The following PSORS1C1 variants were observed in gnomAD, a reference collection of about 807,000 sequenced individuals.
The protein encoded by PSORS1C1 is psoriasis susceptibility 1 candidate gene 1 protein.
PSORS1C1 carries 7 observed loss-of-function variants against 9.4 expected under a neutral mutation model. The observed-to-expected ratio is 0.75, with a 90% CI of 0.42 to 1.40. The LOEUF (loss-of-function observed/expected upper bound fraction) is 1.40, where lower values mean the gene tolerates loss of function less well. PSORS1C1 is among the 40% of genes most tolerant of loss of function. PSORS1C1 has a pLI of 0.01. For synonymous variants in PSORS1C1, 63 were observed against 69.4 expected (o/e 0.91, Z 0.46); for missense variants, 146 against 178.1 (o/e 0.82, Z 1.02).
At chr6:31,116,461 G>C (rs1257325672) in intron 1 of PSORS1C1, 1 of 1,595,572 alleles carries the variant, frequency 6.3e-7, no homozygotes, top group South Asian at 1.1e-5. Flanking sequence ...CTTGGAGCCC[G>C]TGGAGCCGCC....
At chr6:31,127,527 G>A in intron 2 of PSORS1C1, among the ~76,000 whole-genome samples, 1 of 150,048 alleles carries the variant, frequency 6.7e-6, no homozygotes, top group Non-Finnish European at 1.5e-5. Context: ...ATGCAGGACT[G>A]ATCTCCATTC....
At chr6:31,130,652 C>T (rs1562767745) in intron 3 of PSORS1C1, among the ~76,000 whole-genome samples, 1 of 152,088 alleles carries the variant, frequency 6.6e-6, no homozygotes. Flanking sequence ...CCGCCCACCT[C>T]GGCCTCCCAA....
intron 1 of PSORS1C1, among the ~76,000 whole-genome samples, chr6:31,123,889 G>T (rs544576416): frequency 6.6e-6 from 1 of 152,330 alleles, no homozygotes; most frequent in African/African-American, 2.4e-5. Flanking sequence ...GGAGAAGCGG[G>T]TAGGCACTTG....
At chr6:31,138,581 C>T in intron 4 of PSORS1C1, 75 bp from the exon 5 acceptor site, 2 of 1,609,280 alleles carry the variant, frequency 1.2e-6, no homozygotes. Context: ...TCCATCCACC[C>T]CTGGTTGGGG....
chr6:31,123,631 G>A (rs920496068), intron 1 of PSORS1C1, among the ~76,000 whole-genome samples: 3 of 152,230 alleles, frequency 2.0e-5, no homozygotes, highest in Admixed American at 6.5e-5. Flanking sequence ...CAAAGCACAT[G>A]CCTTCCATAG....
chr6:31,139,065 C>T lies in PSORS1C1; in HGVS notation c.167+286C>T. The T allele has an allele frequency of 1.3e-6, 2 of 1,591,780 alleles. No individual in the cohort carries two copies. The highest frequency in any genetic ancestry group is 1.7e-6 in the Non-Finnish European group (2 of 1,160,214). ...CCCCCAAAGCTGGGGTGGGCTGAGT[C>T]TGGGTGCCTGGGAACCCCAAGAGGC... On this transcript the variant is annotated intron_variant, in intron 5 of 5. Transcript: ENST00000259881. This position sits in a 1 kb window ranked among gnomAD's most constrained non-coding sequence, Gnocchi z 5.2.
intron 2 of PSORS1C1, among the ~76,000 whole-genome samples, chr6:31,127,076 A>G (rs941064036): frequency 6.6e-6 from 1 of 152,140 alleles, no homozygotes; most frequent in Non-Finnish European, 1.5e-5. Context: ...AGTGGTTTTT[A>G]TTGTTACTGG....
chr6:31,119,279 A>C (rs1461122761), intron 1 of PSORS1C1, among the ~76,000 whole-genome samples: 1 of 151,890 alleles, frequency 6.6e-6, no homozygotes, highest in Non-Finnish European at 1.5e-5. Context: ...CTCTGCATGC[A>C]CCTCCACGCC....
At chr6:31,121,167 CG>C (rs1421637129) in intron 1 of PSORS1C1, among the ~76,000 whole-genome samples, 1 of 71,118 alleles carries the variant, frequency 1.4e-5, no homozygotes, top group South Asian at 4.0e-4. Flanking sequence ...GGCATGGTGG[CG>C]GGGGTGGGGG....
rs1773315421 is a variant in PSORS1C1 at position 31,139,035 on chromosome 6, A to ACTGGCCC, written c.167+258_167+264dup. On this transcript the variant is annotated intron_variant, in intron 5 of 5. Coordinates refer to ENST00000259881, the MANE Select transcript of PSORS1C1 (RefSeq NM_014068.3). This position sits in a 1 kb window ranked among gnomAD's most constrained non-coding sequence, Gnocchi z 5.2. Reference sequence around the variant, plus strand: ...TTCCAGTTGAGGATCATGGCTATGTACTGGCCCCCAAAGCTGGGGTGGGCT... The same window carrying ACTGGCCC: ...TTCCAGTTGAGGATCATGGCTATGTACTGGCCCCTGGCCCCCAAAGCTGGGGTGGGCT... 5 of 1,613,694 alleles carry ACTGGCCC rather than the reference A, an allele frequency of 3.1e-6. No homozygotes were observed. The highest frequency in any genetic ancestry group is 2.7e-5 in the African/African-American group (2 of 74,894).
In PSORS1C1 at chr6:31,115,890, G is replaced by C. The variant is rs941335515; in HGVS notation, c.-229+999G>C. On this transcript the variant is annotated intron_variant, in intron 1 of 5. Transcript: ENST00000259881. The surrounding 1 kb of genome is among the most constrained non-coding windows in gnomAD (Gnocchi z 4.2). ...GAGTCTGCAACCTTGGGGTAGTGGA[G>C]AAAGCAGAACCACTCTTTTGGGAAG... is the stretch of plus-strand genomic sequence containing the variant. 43 of 761,296 alleles carry C rather than the reference G, an allele frequency of 5.6e-5. No individual in the cohort carries two copies. The highest frequency in any genetic ancestry group is 9.0e-6 in the Non-Finnish European group (4 of 444,440). 47.2% of individuals were successfully genotyped at this position (761,296 alleles called of 1,614,324 possible).
chr6:31,120,616 A>T (rs1383795568), intron 1 of PSORS1C1, among the ~76,000 whole-genome samples: 1 of 152,142 alleles, frequency 6.6e-6, no homozygotes, highest in Non-Finnish European at 1.5e-5. Flanking sequence ...CAGCAGCAGC[A>T]GTGGCTGCAG....
At chr6:31,131,800 G>A (rs4959053) in intron 3 of PSORS1C1, among the ~76,000 whole-genome samples, 9,909 of 152,186 alleles carry the variant, frequency 0.065, 404 homozygotes, top group South Asian at 0.18. Flanking sequence ...TTAAACGAGA[G>A]CTTAAGCTGT....
intron 2 of PSORS1C1, among the ~76,000 whole-genome samples, chr6:31,127,480 C>T (rs984094000): frequency 6.6e-6 from 1 of 152,064 alleles, no homozygotes; most frequent in African/African-American, 2.4e-5. Context: ...GACTCCTTGG[C>T]AGTGTGTAAC....
intron 4 of PSORS1C1, 83 bp from the exon 5 acceptor site, chr6:31,138,573 C>T: frequency 1.2e-6 from 2 of 1,608,266 alleles, no homozygotes; most frequent in Middle Eastern, 1.7e-4. Flanking sequence ...AAATAAGCTC[C>T]ATCCACCCCT....
chr6:31,139,930 T>A lies in PSORS1C1; in HGVS notation c.457T>A (p.Ter153LysextTer7). ...HSPFGLSSLI[*>K] ...TCCTTTTGGTCTCAGCTCCTTGATC[T>A]AAGCCTCCCAGAGAGACCCCTAGAA... The change falls in exon 6 of 6, where the codon TAA becomes AAA. Residue 153 changes from the stop codon to lysine (K), a stop_lost. Transcript: ENST00000259881. This position sits in a 1 kb window ranked among gnomAD's most constrained non-coding sequence, Gnocchi z 5.2. The A allele has an allele frequency of 6.2e-6, 10 of 1,609,134 alleles. No homozygotes were observed. The highest frequency in any genetic ancestry group is 1.3e-5 in the African/African-American group (1 of 74,174).
chr6:31,129,274 CGTG>C (rs1772807240), intron 2 of PSORS1C1, among the ~76,000 whole-genome samples: 1 of 152,082 alleles, frequency 6.6e-6, no homozygotes. Flanking sequence ...TATTTAATTC[CGTG>C]ACTCTGTGTT....
intron 3 of PSORS1C1, chr6:31,138,227 C>T: frequency 6.4e-7 from 1 of 1,567,614 alleles, no homozygotes; most frequent in Non-Finnish European, 8.6e-7. Context: ...CTGGGGGGCC[C>T]TGAGGCAATG....
In PSORS1C1 at chr6:31,139,144, A is replaced by G; in HGVS notation, c.167+365A>G. On this transcript the variant is annotated intron_variant, in intron 5 of 5. Transcript: ENST00000259881. This position sits in a 1 kb window ranked among gnomAD's most constrained non-coding sequence, Gnocchi z 5.2. ...AGCCCAGTGGCACAGGAATACCATC[A>G]GAACAGAACTGGTCAAACCCGTTGG... 1 of 786,074 alleles carries G rather than the reference A, an allele frequency of 1.3e-6. No homozygotes were observed. The highest frequency in any genetic ancestry group is 2.3e-5 in the Admixed American group (1 of 43,926). 48.7% of individuals were successfully genotyped at this position (786,074 alleles called of 1,614,324 possible). A position where few individuals can be genotyped will look rare whatever the true frequency, so the allele number is the denominator to read the frequency against.
Sources: allele counts gnomAD v4.1 joint callset (sites outside exome capture counted in the v4.1 genomes callset), GRCh38; gene constraint gnomAD v4.1.1; non-coding constraint Gnocchi (gnomAD v3.1); transcripts MANE v1.5; gene names NCBI Gene and HGNC (gene_info 2026-07-23, HGNC 2026-07-21).